SHISA9: variants seen among roughly 807,000 people sequenced by gnomAD.
SHISA9 encodes shisa family member 9.
A neutral mutation model predicts 38.0 loss-of-function variants in SHISA9; 13 were observed. The ratio of observed to expected loss-of-function variants is 0.34; its 90% CI spans 0.22 to 0.54. The LOEUF (loss-of-function observed/expected upper bound fraction) is 0.54. Ranked by LOEUF, SHISA9 falls within the 20% of genes least tolerant of loss-of-function variation. SHISA9 has a pLI of 0.91. For synonymous variants in SHISA9, 275 were observed against 242.0 expected (o/e 1.14, Z -1.27); for missense variants, 538 against 575.8 (o/e 0.93, Z 0.67).
chr16:13,262,668 GGA>G, the SHISA9 span, among the ~76,000 whole-genome samples: 617 of 120,426 alleles, frequency 5.1e-3, 12 homozygotes, highest in East Asian at 9.0e-3. Context: ...AAGGAAGGAA[GGA>G]AGGGAGGGAG....
At chr16:13,169,957 C>G (rs2050670749) in intron 2 of SHISA9, among the ~76,000 whole-genome samples, 1 of 152,102 alleles carries the variant, frequency 6.6e-6, no homozygotes, top group South Asian at 2.1e-4. Flanking sequence ...AATCCCAGCA[C>G]TTTGGGAGGC....
chr16:13,546,789 C>G, the SHISA9 span, among the ~76,000 whole-genome samples: 2 of 152,312 alleles, frequency 1.3e-5, no homozygotes, highest in South Asian at 4.1e-4. Flanking sequence ...CTTTCTCTGT[C>G]AATAGAAGAT....
At chr16:13,292,028 T>C in the SHISA9 span, among the ~76,000 whole-genome samples, 2 of 151,436 alleles carry the variant, frequency 1.3e-5, no homozygotes, top group African/African-American at 4.9e-5. Flanking sequence ...ATTTTTCCTC[T>C]TTTTTTTGTA....
the SHISA9 span, among the ~76,000 whole-genome samples, chr16:13,551,538 C>T: frequency 6.6e-6 from 1 of 152,172 alleles, no homozygotes; most frequent in East Asian, 1.9e-4. Flanking sequence ...ACATAGGACA[C>T]AAGCCCTTAC....
chr16:13,485,709 A>G, the SHISA9 span, among the ~76,000 whole-genome samples: 3 of 152,088 alleles, frequency 2.0e-5, no homozygotes, highest in African/African-American at 7.2e-5. Flanking sequence ...GTTAACTCTA[A>G]TTTCCCTTTG....
the SHISA9 span, among the ~76,000 whole-genome samples, chr16:13,314,577 A>G: frequency 6.7e-6 from 1 of 149,662 alleles, no homozygotes; most frequent in Non-Finnish European, 1.5e-5. Flanking sequence ...GTGAGGTATA[A>G]TTGATATACC....
At chr16:12,924,254 C>T (rs116193033) in intron 2 of SHISA9, among the ~76,000 whole-genome samples, 2,461 of 152,168 alleles carry the variant, frequency 0.016, 65 homozygotes, top group African/African-American at 0.055. Context: ...TTGAATCTTC[C>T]TTGGGGGTGG....
the SHISA9 span, among the ~76,000 whole-genome samples, chr16:13,528,311 C>A: frequency 2.0e-5 from 3 of 151,992 alleles, no homozygotes; most frequent in Non-Finnish European, 4.4e-5. Context: ...ACTTCTGACT[C>A]CCTGCAACCC....
chr16:12,923,358 G>T (rs909617786), intron 2 of SHISA9, among the ~76,000 whole-genome samples: 2 of 152,044 alleles, frequency 1.3e-5, no homozygotes, highest in Non-Finnish European at 2.9e-5. Context: ...GCGAAACCGT[G>T]TCCCTACAAA....
chr16:13,132,317 C>T (rs2050313025), intron 2 of SHISA9, among the ~76,000 whole-genome samples: 1 of 152,140 alleles, frequency 6.6e-6, no homozygotes, highest in African/African-American at 2.4e-5. Flanking sequence ...AGAAGAGTGT[C>T]TGATACCTAG....
At chr16:13,513,014 C>T in the SHISA9 span, among the ~76,000 whole-genome samples, 98 of 152,256 alleles carry the variant, frequency 6.4e-4, no homozygotes, top group African/African-American at 2.3e-3. Context: ...CAAATGGGAC[C>T]TAATTAAACT....
At chr16:13,537,163 C>T in the SHISA9 span, among the ~76,000 whole-genome samples, 2 of 152,140 alleles carry the variant, frequency 1.3e-5, no homozygotes, top group Admixed American at 1.3e-4. Flanking sequence ...CCTGGTGGCT[C>T]ATGCCTGTAA....
chr16:13,112,760 G>A, intron 2 of SHISA9, among the ~76,000 whole-genome samples: 1 of 152,026 alleles, frequency 6.6e-6, no homozygotes, highest in East Asian at 1.9e-4. Context: ...CCTTTCAGAG[G>A]CCATTAAAAG....
intron 2 of SHISA9, among the ~76,000 whole-genome samples, chr16:13,020,141 C>G (rs535377724): frequency 1.5e-4 from 23 of 150,734 alleles, no homozygotes; most frequent in African/African-American, 4.9e-4. Context: ...ATTCTCCTGC[C>G]TCAGCCTCAT....
intron 2 of SHISA9, among the ~76,000 whole-genome samples, chr16:13,137,045 C>T (rs551360070): frequency 1.3e-5 from 2 of 152,272 alleles, no homozygotes; most frequent in African/African-American, 2.4e-5. Flanking sequence ...CACATGATAC[C>T]ACCTTGCATT....
rs1291561937 is a variant in SHISA9, at chr16:13,236,025, C to A, written c.*616C>A. 1 of 152,204 alleles carries A rather than the reference C, an allele frequency of 6.6e-6. No individual in the cohort carries two copies. The highest frequency in any genetic ancestry group is 1.9e-4 in the East Asian group (1 of 5,190). The allele number at this position is 152,204 out of a possible 1,614,324, so 9.4% of individuals were successfully genotyped here. Reference sequence around the variant, plus strand: ...AAACAGTAACTGGACCCCAACCATTCTATTTATAGTACTTTTCATATCATC... The same window carrying A: ...AAACAGTAACTGGACCCCAACCATTATATTTATAGTACTTTTCATATCATC... On this transcript the variant is annotated 3_prime_UTR_variant, in exon 5 of 5. Transcript: ENST00000558583.
At chr16:13,402,987 G>A in the SHISA9 span, among the ~76,000 whole-genome samples, 1 of 152,046 alleles carries the variant, frequency 6.6e-6, no homozygotes, top group Non-Finnish European at 1.5e-5. Context: ...GTGTGGTGGC[G>A]TGCGCCTGTA....
At chr16:13,509,239 C>T in the SHISA9 span, among the ~76,000 whole-genome samples, 1 of 150,742 alleles carries the variant, frequency 6.6e-6, no homozygotes, top group Non-Finnish European at 1.5e-5. Flanking sequence ...ACAATTCCGG[C>T]AGCAAGCCCA....
At chr16:13,295,053 T>C in the SHISA9 span, among the ~76,000 whole-genome samples, 1 of 152,170 alleles carries the variant, frequency 6.6e-6, no homozygotes, top group African/African-American at 2.4e-5. Context: ...TAGAAAGGTT[T>C]GGTACCTTGT....
Sources: allele counts gnomAD v4.1 joint callset (sites outside exome capture counted in the v4.1 genomes callset), GRCh38; gene constraint gnomAD v4.1.1; transcripts MANE v1.5; gene names NCBI Gene and HGNC (gene_info 2026-07-23, HGNC 2026-07-21).